WNT5B: variants seen among roughly 807,000 people sequenced by gnomAD.
The protein encoded by WNT5B is protein Wnt-5b.
In WNT5B, 18 loss-of-function variants were observed where a neutral mutation model predicts 36.5. The observed-to-expected ratio is 0.49, with a 90% confidence interval of 0.34 to 0.73. WNT5B has a LOEUF of 0.73. Among genes scored for constraint, WNT5B ranks in the 30% least tolerant of loss-of-function variants. WNT5B has a pLI of 0.01. For missense variants in WNT5B, 424 were observed against 508.4 expected, an observed-to-expected ratio of 0.83 and a Z score of 1.60; for synonymous variants, 213 against 212.3, an observed-to-expected ratio of 1.00 and a Z score of -0.03.
intron 1 of WNT5B, among the ~76,000 whole-genome samples, chr12:1,622,268 G>A (rs898127337): frequency 9.2e-5 from 14 of 151,882 alleles, no homozygotes; most frequent in South Asian, 4.1e-4. Flanking sequence ...CCGCCACCAC[G>A]CCCGGCTAAT....
upstream of WNT5B, among the ~76,000 whole-genome samples, chr12:1,624,258 C>T (rs532866636): frequency 1.3e-4 from 19 of 151,720 alleles, no homozygotes; most frequent in East Asian, 2.7e-3. Flanking sequence ...TGGTGGCAGG[C>T]ACCTGTAATC....
chr12:1,632,542 G>C lies in WNT5B; in HGVS notation c.81-116G>C. On this transcript the variant is annotated intron_variant, in intron 2 of 4. Transcript: ENST00000397196. This position sits in a 1 kb window ranked among gnomAD's most constrained non-coding sequence, Gnocchi z 5.8. ...TCTGATTTACTAATTTTTCTTTCCA[G>C]GGCCTTGTACACAGGGACGCATTCA... is the stretch of plus-strand genomic sequence containing the variant. 2 of 1,424,762 alleles carry C rather than the reference G, an allele frequency of 1.4e-6. No homozygotes were observed. Among genetic ancestry groups the C allele is most frequent in the South Asian group, 3.0e-5 (2 of 67,450 alleles). 88.3% of individuals were successfully genotyped at this position (1,424,762 alleles called of 1,614,324 possible). A position where few individuals can be genotyped will look rare whatever the true frequency, so the allele number is the denominator to read the frequency against.
intron 1 of WNT5B, among the ~76,000 whole-genome samples, chr12:1,622,715 C>T (rs2094535562): frequency 6.6e-6 from 1 of 152,218 alleles, no homozygotes. Flanking sequence ...CCACATACCC[C>T]TGTGTACTAT....
intron 1 of WNT5B, among the ~76,000 whole-genome samples, chr12:1,622,260 G>A (rs545317020): frequency 9.9e-5 from 15 of 152,076 alleles, no homozygotes; most frequent in South Asian, 4.2e-4. Flanking sequence ...ACAGGCGCCC[G>A]CCACCACGCC....
Position 1,646,245 on chromosome 12 carries a change from G to A in WNT5B, c.1073G>A (p.Cys358Tyr), listed in dbSNP as rs2094585520. The A allele has an allele frequency of 6.2e-7, 1 of 1,609,002 alleles. No homozygotes were observed. Among genetic ancestry groups the A allele is most frequent in the African/African-American group, 1.3e-5 (1 of 74,888 alleles). The change falls in exon 5 of 5, where the codon TGT becomes TAT. Residue 358 changes from cysteine (C) to tyrosine (Y), a missense_variant. Physicochemically the swap from Cys to Tyr is radical, Grantham distance 194 (BLOSUM62 -2). Transcript: ENST00000397196. ...KCTEIVDQYI[C>Y]K ...ACGGAGATCGTGGACCAGTACATCT[G>A]TAAATAGCCCGGAGGGCCTGCTCCC...
chr12:1,646,464 A>G lies in WNT5B; in HGVS notation c.*212A>G. The G allele has an allele frequency of 3.0e-6, 1 of 332,256 alleles. No individual in the cohort carries two copies. Among genetic ancestry groups the G allele is most frequent in the African/African-American group, 2.1e-5 (1 of 46,686 alleles). The allele number at this position is 332,256 out of a possible 1,614,324, so 20.6% of individuals were successfully genotyped here. A position where few individuals can be genotyped will look rare whatever the true frequency, so the allele number is the denominator to read the frequency against. On this transcript the variant is annotated 3_prime_UTR_variant, in exon 5 of 5. Transcript: ENST00000397196. ...GTTCTCTCCTCTTGGTGGGTGGGAG[A>G]CAGGGCTTTTTCTCTCCCTCTGGCG...
upstream of WNT5B, among the ~76,000 whole-genome samples, chr12:1,628,377 C>T (rs1429917526): frequency 6.6e-6 from 1 of 152,132 alleles, no homozygotes. Context: ...GGGCTGGTCT[C>T]GAACTCCTGA....
chr12:1,623,442 G>A (rs906343469), intron 1 of WNT5B, among the ~76,000 whole-genome samples: 6 of 151,916 alleles, frequency 3.9e-5, no homozygotes, highest in African/African-American at 1.5e-4. Context: ...TGATCCGCCC[G>A]CCTCGGCCTC....
At chr12:1,635,960 G>A (rs2094559855) in intron 3 of WNT5B, among the ~76,000 whole-genome samples, 1 of 152,146 alleles carries the variant, frequency 6.6e-6, no homozygotes, top group Non-Finnish European at 1.5e-5. Context: ...GTCATGCCCA[G>A]ATAATCAAGA....
intron 1 of WNT5B, among the ~76,000 whole-genome samples, chr12:1,620,736 G>A (rs372745374): frequency 2.2e-5 from 3 of 134,000 alleles, no homozygotes; most frequent in South Asian, 4.7e-4. Flanking sequence ...ACGGAGTCTC[G>A]CTCTGTGGCC....
At chr12:1,641,249 G>C (rs951038911) in intron 4 of WNT5B, among the ~76,000 whole-genome samples, 9 of 152,016 alleles carry the variant, frequency 5.9e-5, no homozygotes, top group African/African-American at 2.2e-4. Context: ...AGCTGGACTT[G>C]GTGGCAGGCA....
intron 1 of WNT5B, among the ~76,000 whole-genome samples, chr12:1,623,775 G>C (rs948668734): frequency 6.6e-6 from 1 of 152,112 alleles, no homozygotes; most frequent in Non-Finnish European, 1.5e-5. Flanking sequence ...CACCCTTCCA[G>C]ACCCATAGCT....
rs1477136519 is a variant in WNT5B at position 1,637,582 on chromosome 12, A to T, written c.329-2102A>T. Among the ~76,000 whole-genome samples, 5 of 6,718 alleles carry T rather than the reference A, an allele frequency of 7.4e-4. No individual in the cohort carries two copies. In the East Asian group the frequency reaches 0.21, roughly 280 times the overall value. 4.4% of individuals were successfully genotyped at this position (6,718 alleles called of 152,430 possible). A position where few individuals can be genotyped will look rare whatever the true frequency, so the allele number is the denominator to read the frequency against. On this transcript the variant is annotated intron_variant, in intron 3 of 4. Coordinates refer to ENST00000397196, the MANE Select transcript of WNT5B (RefSeq NM_032642.3). Reference sequence around the variant, plus strand: ...GAAACCTCGTCTCTACTAAACATACAAAAAAAAAAAAAAAAAAACTAGCCA... The same window carrying T: ...GAAACCTCGTCTCTACTAAACATACTAAAAAAAAAAAAAAAAAACTAGCCA...
chr12:1,626,870 A>G (rs1172934170), upstream of WNT5B, among the ~76,000 whole-genome samples: 1 of 152,156 alleles, frequency 6.6e-6, no homozygotes, highest in Non-Finnish European at 1.5e-5. Context: ...CGGCCGCCAA[A>G]TGTATTTTTA....
At chr12:1,645,752 A>G in intron 4 of WNT5B, 42 bp from the exon 5 acceptor site, 1 of 1,533,554 alleles carries the variant, frequency 6.5e-7, no homozygotes, top group Non-Finnish European at 8.8e-7. Context: ...GGCCTCTTCC[A>G]CCGGGATCCT....
At chr12:1,636,635 G>A (rs1220796623) in intron 3 of WNT5B, among the ~76,000 whole-genome samples, 1 of 150,028 alleles carries the variant, frequency 6.7e-6, no homozygotes, top group Non-Finnish European at 1.5e-5. Context: ...CCAACTCCTG[G>A]GCTTAAACAA....
At position 1,642,811 on chromosome 12, in the gene WNT5B, C is replaced by A. The variant is rs2094578037; in HGVS notation, c.621+2835C>A. Among the ~76,000 whole-genome samples the A allele has an allele frequency of 2.6e-5, 4 of 152,300 alleles. No individual in the cohort carries two copies. In the South Asian group the frequency reaches 8.3e-4, roughly 32 times the overall value. On this transcript the variant is annotated intron_variant, in intron 4 of 4. Coordinates refer to ENST00000397196, the MANE Select transcript of WNT5B (RefSeq NM_032642.3). ...CTTCCCTGTCTGTCTCCCCGCTTAG[C>A]CCCTTCCTTCAGGCCCCACACCTCT... is the stretch of plus-strand genomic sequence containing the variant.
Position 1,644,507 on chromosome 12 carries a change from C to G in WNT5B, c.622-1287C>G, listed in dbSNP as rs1285914983. On this transcript the variant is annotated intron_variant, in intron 4 of 4. Transcript: ENST00000397196. The surrounding 1 kb of genome is among the most constrained non-coding windows in gnomAD (Gnocchi z 5.1). ...AGACTTTTGCCAACAGTCATATGCA[C>G]TGATGATGGCTGTGCTGTCTCTTGC... 6.6e-6 allele frequency among the ~76,000 whole-genome samples: 1 copy of G among 152,224 alleles called. No individual in the cohort carries two copies. The highest frequency in any genetic ancestry group is 1.5e-5 in the Non-Finnish European group (1 of 68,048).
chr12:1,621,778 C>T (rs1319684178), intron 1 of WNT5B, among the ~76,000 whole-genome samples: 1 of 150,708 alleles, frequency 6.6e-6, no homozygotes, highest in Non-Finnish European at 1.5e-5. Flanking sequence ...CTCCTGGCCT[C>T]GAGTGATCCT....
Sources: allele counts gnomAD v4.1 joint callset (sites outside exome capture counted in the v4.1 genomes callset), GRCh38; gene constraint gnomAD v4.1.1; non-coding constraint Gnocchi (gnomAD v3.1); transcripts MANE v1.5; gene names NCBI Gene and HGNC (gene_info 2026-07-23, HGNC 2026-07-21).